The following AUTS2 variants were observed in gnomAD, a reference collection of about 807,000 sequenced individuals.
AUTS2 encodes autism susceptibility gene 2 protein.
A neutral mutation model predicts 112.4 loss-of-function variants in AUTS2; 17 were observed. The observed-to-expected ratio is 0.15, with a 90% CI of 0.10 to 0.23. The LOEUF is 0.23. Among genes scored for constraint, AUTS2 ranks in the 10% least tolerant of loss-of-function variants. The pLI is 1.00. For synonymous variants in AUTS2, 751 were observed against 702.7 expected, an observed-to-expected ratio of 1.07 and a Z score of -1.09; for missense variants, 1,510 against 1,701.6, an observed-to-expected ratio of 0.89 and a Z score of 1.98.
At chr7:70,353,757 C>T (rs769989310) in intron 4 of AUTS2, among the ~76,000 whole-genome samples, 1 of 152,154 alleles carries the variant, frequency 6.6e-6, no homozygotes, top group Non-Finnish European at 1.5e-5. Flanking sequence ...GATGTAATGC[C>T]AGCATCTGGT....
At chr7:70,780,147 C>A (rs866595079) in intron 14 of AUTS2, among the ~76,000 whole-genome samples, 1 of 152,044 alleles carries the variant, frequency 6.6e-6, no homozygotes, top group African/African-American at 2.4e-5. Context: ...GTCCCAGGAC[C>A]CCATGCCTTG....
intron 5 of AUTS2, among the ~76,000 whole-genome samples, chr7:70,570,234 A>ATG (rs1327258736): frequency 6.6e-6 from 1 of 152,154 alleles, no homozygotes; most frequent in African/African-American, 2.4e-5. Context: ...TCACTCCTGA[A>ATG]TGAGGTGGTT....
At chr7:70,189,311 T>G (rs1213376061) in intron 4 of AUTS2, among the ~76,000 whole-genome samples, 2 of 151,980 alleles carry the variant, frequency 1.3e-5, no homozygotes, top group African/African-American at 4.8e-5. Flanking sequence ...AGGACTGTAG[T>G]TTTTTTTACT....
At chr7:69,893,709 C>T (rs114525761) in intron 1 of AUTS2, among the ~76,000 whole-genome samples, 3,149 of 152,186 alleles carry the variant, frequency 0.021, 109 homozygotes, top group African/African-American at 0.069. Flanking sequence ...AAAAATCAGG[C>T]GGAGACTTTC....
chr7:69,812,729 G>A (rs1391398229), intron 1 of AUTS2, among the ~76,000 whole-genome samples: 1 of 152,036 alleles, frequency 6.6e-6, no homozygotes, highest in Non-Finnish European at 1.5e-5. Flanking sequence ...GGTAAGAGTA[G>A]GAATGACTTT....
At chr7:70,695,662 C>A (rs1809050445) in intron 5 of AUTS2, among the ~76,000 whole-genome samples, 1 of 152,246 alleles carries the variant, frequency 6.6e-6, no homozygotes, top group South Asian at 2.1e-4. Context: ...CGTCTGCACG[C>A]ACGGCTTTTT....
At chr7:70,530,548 A>G (rs1405348363) in intron 5 of AUTS2, among the ~76,000 whole-genome samples, 2 of 152,102 alleles carry the variant, frequency 1.3e-5, no homozygotes, top group African/African-American at 4.8e-5. Flanking sequence ...ATTACTTATG[A>G]TGATGATAGC....
chr7:70,731,971 T>C (rs1351171940), intron 6 of AUTS2, among the ~76,000 whole-genome samples: 2 of 152,212 alleles, frequency 1.3e-5, no homozygotes, highest in Non-Finnish European at 2.9e-5. Flanking sequence ...TTTTCACTGA[T>C]GTGATGCCTT....
At chr7:69,895,434 C>T (rs907901292) in intron 1 of AUTS2, among the ~76,000 whole-genome samples, 4 of 152,054 alleles carry the variant, frequency 2.6e-5, no homozygotes, top group Non-Finnish European at 5.9e-5. Flanking sequence ...TCTCTAGTCT[C>T]TGAAAATATA....
At chr7:69,936,570 C>G (rs963344405) in intron 2 of AUTS2, among the ~76,000 whole-genome samples, 1 of 152,092 alleles carries the variant, frequency 6.6e-6, no homozygotes, top group Non-Finnish European at 1.5e-5. Context: ...AGGATGGTCT[C>G]GATCTCCTGA....
At chr7:70,657,058 T>G (rs1200391954) in intron 5 of AUTS2, among the ~76,000 whole-genome samples, 3 of 152,182 alleles carry the variant, frequency 2.0e-5, no homozygotes. Context: ...TAATATCATC[T>G]CTGATGGCAT....
At chr7:70,428,270 G>C (rs1795512626) in intron 4 of AUTS2, among the ~76,000 whole-genome samples, 1 of 152,156 alleles carries the variant, frequency 6.6e-6, no homozygotes, top group African/African-American at 2.4e-5. Context: ...GGGCTTTGTG[G>C]ATTGATGAAA....
chr7:70,393,435 G>A (rs546632572), intron 4 of AUTS2, among the ~76,000 whole-genome samples: 1 of 152,094 alleles, frequency 6.6e-6, no homozygotes, highest in South Asian at 2.1e-4. Context: ...GTTTGTCCTG[G>A]ACACAGTATT....
intron 4 of AUTS2, among the ~76,000 whole-genome samples, chr7:70,248,999 G>A (rs1254209827): frequency 6.6e-6 from 1 of 152,030 alleles, no homozygotes; most frequent in Admixed American, 6.6e-5. Context: ...ATTTTTTAGA[G>A]AATTTTTACT....
At chr7:70,255,619 G>A (rs112504093) in intron 4 of AUTS2, among the ~76,000 whole-genome samples, 35 of 152,164 alleles carry the variant, frequency 2.3e-4, no homozygotes, top group African/African-American at 7.9e-4. Context: ...TTCCAGAGAC[G>A]GTTTCATAGT....
chr7:70,716,850 G>C (rs562739717), intron 6 of AUTS2, among the ~76,000 whole-genome samples: 1 of 151,960 alleles, frequency 6.6e-6, no homozygotes, highest in Non-Finnish European at 1.5e-5. Context: ...TTTTATGGGA[G>C]ATTTCATGTG....
chr7:70,490,360 C>T (rs148107315), intron 5 of AUTS2, among the ~76,000 whole-genome samples: 43 of 151,902 alleles, frequency 2.8e-4, no homozygotes, highest in African/African-American at 9.7e-4. Flanking sequence ...ATCTTACAGA[C>T]ATTAGAAGGA....
chr7:70,722,064 G>C lies in AUTS2; in HGVS notation c.742+23444G>C, dbSNP rs374291038. On this transcript the variant is annotated intron_variant, in intron 6 of 18. Coordinates refer to ENST00000342771, the MANE Select transcript of AUTS2 (RefSeq NM_015570.4). ...TTTTTTTCTTTCATTTTTGAATCCAGGATTCAATGAAGACCACACCTTTTT... is the reference window on the plus strand; with the variant it reads ...TTTTTTTCTTTCATTTTTGAATCCACGATTCAATGAAGACCACACCTTTTT... 2.8e-4 allele frequency among the ~76,000 whole-genome samples: 43 copies of C among 151,532 alleles called. No homozygotes were observed. In the East Asian group the frequency reaches 7.6e-3, roughly 27 times the overall value.
intron 5 of AUTS2, among the ~76,000 whole-genome samples, chr7:70,468,748 GGGTCACTAAGACT>G (rs1201416043): frequency 6.6e-6 from 1 of 152,080 alleles, no homozygotes; most frequent in Non-Finnish European, 1.5e-5. Flanking sequence ...TCAAAGAGTC[GGGTCACTAAGACT>G]GGTCACTGGA....
Sources: allele counts gnomAD v4.1 joint callset (sites outside exome capture counted in the v4.1 genomes callset), GRCh38; gene constraint gnomAD v4.1.1; transcripts MANE v1.5; gene names NCBI Gene and HGNC (gene_info 2026-07-23, HGNC 2026-07-21).